Variants in PTPRD observed in about 807,000 individuals in gnomAD.
PTPRD encodes the protein protein tyrosine phosphatase receptor type D, also known as receptor-type tyrosine-protein phosphatase delta.
PTPRD carries 34 observed loss-of-function variants against 214.5 expected under a neutral mutation model. The ratio of observed to expected loss-of-function variants is 0.16; its 90% CI spans 0.12 to 0.21. The LOEUF is 0.21. PTPRD is among the 10% of genes least tolerant of loss of function. PTPRD has a pLI of 1.00. For missense variants in PTPRD, 2,545 were observed against 2,398.7 expected, an observed-to-expected ratio of 1.06 and a Z score of -1.27; for synonymous variants, 1,128 against 845.7, an observed-to-expected ratio of 1.33 and a Z score of -5.79.
intron 2 of PTPRD, among the ~76,000 whole-genome samples, chr9:10,385,121 T>C (rs531122474): frequency 6.6e-6 from 1 of 152,000 alleles, no homozygotes; most frequent in East Asian, 1.9e-4. Flanking sequence ...ATTAGGTTCT[T>C]CAAAGCTAAC....
chr9:9,765,753 T>C (rs1400331854), intron 6 of PTPRD, among the ~76,000 whole-genome samples: 1 of 152,252 alleles, frequency 6.6e-6, no homozygotes, highest in East Asian at 1.9e-4. Context: ...CTTCACCTCC[T>C]GGGTTCACGC....
At chr9:10,056,545 T>A (rs2097652654) in intron 3 of PTPRD, among the ~76,000 whole-genome samples, 1 of 152,080 alleles carries the variant, frequency 6.6e-6, no homozygotes. Context: ...ATCGCCTTAG[T>A]GTTTTTAATA....
At position 10,019,243 on chromosome 9, in the gene PTPRD, G is replaced by A. The variant is rs546875013; in HGVS notation, c.-472+14475C>T. ...CACAGTGAGATACCATCTCACATCA[G>A]TTAGAATGGCGATCATTAAAAAGTC... is the stretch of plus-strand genomic sequence containing the variant. On this transcript the variant is annotated intron_variant, in intron 4 of 45. Coordinates refer to ENST00000381196, the MANE Select transcript of PTPRD (RefSeq NM_002839.4). Among the ~76,000 whole-genome samples, 107 of 152,300 alleles carry A rather than the reference G, an allele frequency of 7.0e-4. 1 individual carries two copies. Among genetic ancestry groups the A allele is most frequent in the African/African-American group, 2.5e-3 (102 of 41,568 alleles).
At chr9:9,880,222 G>A (rs567038055) in intron 5 of PTPRD, among the ~76,000 whole-genome samples, 90 of 152,052 alleles carry the variant, frequency 5.9e-4, no homozygotes, top group South Asian at 2.7e-3. Flanking sequence ...TTCCCCTTCC[G>A]CCATGATTTT....
chr9:10,216,453 T>G (rs1034536883), intron 3 of PTPRD, among the ~76,000 whole-genome samples: 4 of 151,996 alleles, frequency 2.6e-5, no homozygotes, highest in African/African-American at 9.7e-5. Context: ...CTAAAATGAA[T>G]TTAAAAGATC....
At chr9:9,777,021 G>C (rs1452864134) in intron 5 of PTPRD, among the ~76,000 whole-genome samples, 1 of 152,042 alleles carries the variant, frequency 6.6e-6, no homozygotes, top group African/African-American at 2.4e-5. Context: ...GGACAGTCTG[G>C]GTACCACTGA....
At chr9:9,450,748 TGGG>T (rs74997318) in intron 8 of PTPRD, among the ~76,000 whole-genome samples, 1 of 144,052 alleles carries the variant, frequency 6.9e-6, no homozygotes, top group Non-Finnish European at 1.6e-5. Flanking sequence ...GTACATATTA[TGGG>T]GGGGGGTGTG....
chr9:9,560,684 T>A (rs986174956), intron 8 of PTPRD, among the ~76,000 whole-genome samples: 1 of 152,170 alleles, frequency 6.6e-6, no homozygotes, highest in Admixed American at 6.5e-5. Flanking sequence ...CATGCTGAAG[T>A]CCAAGGGGAG....
At chr9:9,483,269 T>C (rs762201262) in intron 8 of PTPRD, among the ~76,000 whole-genome samples, 12 of 152,162 alleles carry the variant, frequency 7.9e-5, no homozygotes, top group Non-Finnish European at 1.6e-4. Context: ...ACCACATTGC[T>C]TTCCCCATCA....
At chr9:10,570,155 T>A (rs2066969542) in intron 2 of PTPRD, among the ~76,000 whole-genome samples, 1 of 152,306 alleles carries the variant, frequency 6.6e-6, no homozygotes, top group African/African-American at 2.4e-5. Context: ...ATCTTTCTCC[T>A]TCACAAATCA....
At chr9:9,498,626 T>A (rs913043721) in intron 8 of PTPRD, among the ~76,000 whole-genome samples, 1 of 152,080 alleles carries the variant, frequency 6.6e-6, no homozygotes, top group Non-Finnish European at 1.5e-5. Context: ...GGAGAAATAT[T>A]TTGAGGTAGT....
intron 14 of PTPRD, among the ~76,000 whole-genome samples, chr9:8,571,663 A>G (rs1340795662): frequency 1.3e-5 from 2 of 152,308 alleles, no homozygotes; most frequent in East Asian, 3.9e-4. Context: ...TTTCAGATTT[A>G]GAAAAACAAT....
intron 13 of PTPRD, 116 bp from the exon 14 acceptor site, chr9:8,633,574 C>G: frequency 8.3e-7 from 1 of 1,200,704 alleles, no homozygotes; most frequent in East Asian, 2.6e-5. Context: ...AGGCATCATT[C>G]TGAAACTGAA....
chr9:9,438,781 ATAAT>A (rs1248182895), intron 8 of PTPRD, among the ~76,000 whole-genome samples: 3 of 152,328 alleles, frequency 2.0e-5, no homozygotes, highest in East Asian at 3.9e-4. Context: ...CTAGTGTTAA[ATAAT>A]TAATGTATGT....
intron 2 of PTPRD, among the ~76,000 whole-genome samples, chr9:10,541,055 C>A (rs1324120867): frequency 6.6e-6 from 1 of 152,180 alleles, no homozygotes; most frequent in Non-Finnish European, 1.5e-5. Context: ...ATACGCACTA[C>A]ACATTGACCC....
At chr9:10,273,034 G>A (rs905752997) in intron 3 of PTPRD, among the ~76,000 whole-genome samples, 1 of 152,176 alleles carries the variant, frequency 6.6e-6, no homozygotes, top group African/African-American at 2.4e-5. Flanking sequence ...GCTTTTCCCA[G>A]AAATGCTCTG....
At chr9:8,725,711 T>A (rs1464877865) in intron 12 of PTPRD, among the ~76,000 whole-genome samples, 2 of 152,208 alleles carry the variant, frequency 1.3e-5, no homozygotes, top group East Asian at 3.8e-4. Flanking sequence ...GTGATAACTG[T>A]ATCAAGTGTG....
chr9:8,436,806 G>C (rs2095368761), intron 34 of PTPRD, 117 bp from the exon 35 acceptor site: 1 of 764,142 alleles, frequency 1.3e-6, no homozygotes, highest in Non-Finnish European at 2.1e-6. Flanking sequence ...GAGTAGTAAA[G>C]ATGTTTTAGG....
At chr9:8,544,113 T>C (rs547977033) in intron 14 of PTPRD, among the ~76,000 whole-genome samples, 19 of 152,062 alleles carry the variant, frequency 1.2e-4, no homozygotes, top group East Asian at 1.9e-4. Context: ...TGGGAACCTA[T>C]TGGGTATATC....
Sources: allele counts gnomAD v4.1 joint callset (sites outside exome capture counted in the v4.1 genomes callset), GRCh38; gene constraint gnomAD v4.1.1; transcripts MANE v1.5; gene names NCBI Gene and HGNC (gene_info 2026-07-23, HGNC 2026-07-21).